CSMD1: variants seen among roughly 807,000 people sequenced by gnomAD.
The protein encoded by CSMD1 is CUB and sushi domain-containing protein 1.
Under a neutral mutation model 417.5 loss-of-function variants are expected in CSMD1, and 213 were observed. The ratio of observed to expected loss-of-function variants is 0.51; its 90% CI spans 0.46 to 0.57. CSMD1 has a LOEUF of 0.57. CSMD1 is among the 20% of genes least tolerant of loss of function. The probability of loss-of-function intolerance (pLI) is 0.00; values close to 1 mark genes in which losing one functional copy is unlikely to be tolerated. For missense variants in CSMD1, 6,923 were observed against 4,529.7 expected (o/e 1.53, Z -15.17); for synonymous variants, 2,862 against 1,736.8 (o/e 1.65, Z -16.11).
At chr8:3,744,051 C>G (rs556346267) in intron 6 of CSMD1, among the ~76,000 whole-genome samples, 76 of 152,310 alleles carry the variant, frequency 5.0e-4, no homozygotes, top group African/African-American at 9.4e-4. Flanking sequence ...GGAGCCCTCA[C>G]AATCCTCTTC....
chr8:4,286,867 C>G (rs1224929936), intron 3 of CSMD1, among the ~76,000 whole-genome samples: 5 of 152,150 alleles, frequency 3.3e-5, no homozygotes, highest in Admixed American at 3.3e-4. Context: ...ACTAATTACA[C>G]TTGAGGCCAC....
At chr8:4,343,725 C>T (rs1022841491) in intron 3 of CSMD1, among the ~76,000 whole-genome samples, 6 of 152,020 alleles carry the variant, frequency 3.9e-5, no homozygotes, top group Non-Finnish European at 7.4e-5. Context: ...TCGACTAGGT[C>T]CATAAGGAAA....
intron 5 of CSMD1, among the ~76,000 whole-genome samples, chr8:3,945,257 G>A (rs1416917853): frequency 6.7e-6 from 1 of 149,964 alleles, no homozygotes. Context: ...AATATAAGCT[G>A]AACAATACAT....
At chr8:4,986,756 A>G (rs1312192249) in intron 1 of CSMD1, among the ~76,000 whole-genome samples, 1 of 152,194 alleles carries the variant, frequency 6.6e-6, no homozygotes, top group Non-Finnish European at 1.5e-5. Context: ...TGAATGATGG[A>G]TACCGATAAT....
chr8:4,068,214 G>C (rs976465264), intron 3 of CSMD1, among the ~76,000 whole-genome samples: 2 of 152,194 alleles, frequency 1.3e-5, no homozygotes, highest in African/African-American at 2.4e-5. Flanking sequence ...CTTCCGTGCA[G>C]TGTTAAAAGC....
At chr8:3,867,225 T>G (rs1805166044) in intron 5 of CSMD1, among the ~76,000 whole-genome samples, 2 of 152,144 alleles carry the variant, frequency 1.3e-5, no homozygotes, top group Non-Finnish European at 2.9e-5. Flanking sequence ...AATGCATGAA[T>G]AAATTAGTAA....
chr8:4,249,525 C>T (rs1254006340), intron 3 of CSMD1, among the ~76,000 whole-genome samples: 5 of 152,184 alleles, frequency 3.3e-5, no homozygotes, highest in Non-Finnish European at 5.9e-5. Flanking sequence ...CCTCTACTGA[C>T]GTGCACTGTG....
chr8:4,385,421 C>G (rs1312730145), intron 3 of CSMD1, among the ~76,000 whole-genome samples: 2 of 152,174 alleles, frequency 1.3e-5, no homozygotes, highest in African/African-American at 4.8e-5. Context: ...TGCTACAGCA[C>G]TGATTTCACT....
chr8:4,702,696 A>G (rs1807655134), intron 1 of CSMD1, among the ~76,000 whole-genome samples: 1 of 152,150 alleles, frequency 6.6e-6, no homozygotes, highest in African/African-American at 2.4e-5. Context: ...CCGTATTTCT[A>G]TTGCTAAGTA....
intron 2 of CSMD1, among the ~76,000 whole-genome samples, chr8:4,488,189 G>T (rs746440748): frequency 1.3e-5 from 2 of 152,158 alleles, no homozygotes; most frequent in Non-Finnish European, 2.9e-5. Context: ...TGAGAAATAA[G>T]TTTATGTTGT....
chr8:4,414,638 A>G (rs1391532025), intron 3 of CSMD1, among the ~76,000 whole-genome samples: 3 of 152,170 alleles, frequency 2.0e-5, no homozygotes, highest in Non-Finnish European at 4.4e-5. Context: ...TGTTCACTAG[A>G]AAGAAAATCA....
At chr8:4,932,579 T>G (rs1398467351) in intron 1 of CSMD1, among the ~76,000 whole-genome samples, 1 of 152,198 alleles carries the variant, frequency 6.6e-6, no homozygotes, top group African/African-American at 2.4e-5. Context: ...CTTAGAAATA[T>G]GATACTGCAG....
At chr8:4,711,959 G>A (rs552403032) in intron 1 of CSMD1, among the ~76,000 whole-genome samples, 20 of 152,200 alleles carry the variant, frequency 1.3e-4, no homozygotes, top group East Asian at 7.7e-4. Flanking sequence ...TCTCATTTGC[G>A]GTACAGTTTT....
intron 3 of CSMD1, among the ~76,000 whole-genome samples, chr8:4,184,009 G>T (rs977372939): frequency 1.3e-5 from 2 of 152,048 alleles, no homozygotes; most frequent in Non-Finnish European, 2.9e-5. Flanking sequence ...ACATGACAAG[G>T]GTACAGTTAA....
intron 23 of CSMD1, among the ~76,000 whole-genome samples, chr8:3,334,766 A>T (rs1300893663): frequency 6.6e-6 from 1 of 152,206 alleles, no homozygotes; most frequent in Non-Finnish European, 1.5e-5. Flanking sequence ...TTGAATTTGC[A>T]GAGTAAGTAG....
intron 50 of CSMD1, among the ~76,000 whole-genome samples, chr8:3,051,737 T>G (rs576304404): frequency 6.8e-4 from 104 of 152,324 alleles, no homozygotes; most frequent in African/African-American, 2.4e-3. Context: ...TTAGAAAAAT[T>G]GGGAAGTTAC....
At chr8:4,401,177 C>T (rs1249806468) in intron 3 of CSMD1, among the ~76,000 whole-genome samples, 2 of 152,070 alleles carry the variant, frequency 1.3e-5, no homozygotes, top group East Asian at 1.9e-4. Flanking sequence ...GGGTTCCATC[C>T]AAATTAAGAG....
chr8:3,942,871 G>C (rs375422909), intron 5 of CSMD1, among the ~76,000 whole-genome samples: 1 of 152,232 alleles, frequency 6.6e-6, no homozygotes, highest in Non-Finnish European at 1.5e-5. Flanking sequence ...ATGTGATAAT[G>C]TCATAAAATC....
At chr8:4,994,133 G>A (rs991837894) in intron 1 of CSMD1, among the ~76,000 whole-genome samples, 199 bp downstream of exon 1, 4 of 152,098 alleles carry the variant, frequency 2.6e-5, no homozygotes, top group African/African-American at 9.7e-5. Flanking sequence ...GCGGGGTGGG[G>A]CGGGGGCCCA....
Sources: allele counts gnomAD v4.1 joint callset (sites outside exome capture counted in the v4.1 genomes callset), GRCh38; gene constraint gnomAD v4.1.1; transcripts MANE v1.5; gene names NCBI Gene and HGNC (gene_info 2026-07-23, HGNC 2026-07-21).